ROBO1: variants seen among roughly 807,000 people sequenced by gnomAD.
ROBO1 encodes the protein roundabout guidance receptor 1.
ROBO1 carries 149 observed loss-of-function variants against 195.9 expected under a neutral mutation model. That is an observed-to-expected ratio of 0.76 (90% CI 0.67 to 0.87). ROBO1 has a LOEUF of 0.87. Among genes scored for constraint, ROBO1 ranks in the 40% least tolerant of loss-of-function variants. The pLI is 0.00. For missense variants in ROBO1, 1,933 were observed against 2,068.3 expected, an observed-to-expected ratio of 0.93 and a Z score of 1.27; for synonymous variants, 816 against 733.2, an observed-to-expected ratio of 1.11 and a Z score of -1.82.
At chr3:79,537,147 G>T (rs566473649) in intron 2 of ROBO1, among the ~76,000 whole-genome samples, 2 of 149,696 alleles carry the variant, frequency 1.3e-5, no homozygotes, top group East Asian at 3.9e-4. Flanking sequence ...TATTTCCAAA[G>T]ATACAGAGAA....
rs541484006 is a variant in ROBO1 at position 79,692,226 on chromosome 3, G to A, written c.-51+75526C>T. 8.6e-4 allele frequency among the ~76,000 whole-genome samples: 130 copies of A among 152,004 alleles called. 1 individual carries two copies. Among genetic ancestry groups the A allele is most frequent in the African/African-American group, 2.9e-3 (122 of 41,530 alleles). Reference sequence around the variant, plus strand: ...TTTTAGAACAAATGCAAAGCAGGAAGTATCCATAGGCAAAGCTGGAGAGTT... The same window carrying A: ...TTTTAGAACAAATGCAAAGCAGGAAATATCCATAGGCAAAGCTGGAGAGTT... On this transcript the variant is annotated intron_variant, in intron 1 of 30. Transcript: ENST00000464233.
intron 2 of ROBO1, among the ~76,000 whole-genome samples, chr3:79,281,013 A>G (rs1049883279): frequency 2.6e-5 from 4 of 152,192 alleles, no homozygotes; most frequent in African/African-American, 9.7e-5. Flanking sequence ...TACAAGTAAT[A>G]AAAATAATAA....
intron 4 of ROBO1, among the ~76,000 whole-genome samples, chr3:78,841,668 T>A (rs1380321126): frequency 6.6e-6 from 1 of 152,108 alleles, no homozygotes; most frequent in African/African-American, 2.4e-5. Flanking sequence ...ACCCCAATTT[T>A]CTGTACTGCA....
chr3:79,630,682 A>G (rs1945312345), intron 1 of ROBO1, among the ~76,000 whole-genome samples: 1 of 152,042 alleles, frequency 6.6e-6, no homozygotes, highest in South Asian at 2.1e-4. Flanking sequence ...TATAAAAAAG[A>G]GTAGTCAAAT....
chr3:79,439,737 T>C (rs1482495007), intron 2 of ROBO1, among the ~76,000 whole-genome samples: 1 of 152,178 alleles, frequency 6.6e-6, no homozygotes, highest in Non-Finnish European at 1.5e-5. Flanking sequence ...ATCTATTTTC[T>C]TTGAAAAGTA....
intron 3 of ROBO1, among the ~76,000 whole-genome samples, chr3:79,026,321 T>G (rs957631840): frequency 5.3e-5 from 8 of 152,082 alleles, no homozygotes; most frequent in Non-Finnish European, 1.0e-4. Flanking sequence ...AACTGTGAGG[T>G]GCAAATAAAA....
chr3:79,612,619 T>C (rs1262747363), intron 1 of ROBO1, among the ~76,000 whole-genome samples: 3 of 147,852 alleles, frequency 2.0e-5, no homozygotes, highest in Non-Finnish European at 3.0e-5. Flanking sequence ...ACTTCCACAA[T>C]GGTTGAACTA....
chr3:79,029,872 G>A (rs546198603), intron 3 of ROBO1, among the ~76,000 whole-genome samples: 34 of 152,240 alleles, frequency 2.2e-4, no homozygotes, highest in Non-Finnish European at 4.1e-4. Flanking sequence ...AATAATTGCT[G>A]TAAAAATATA....
At chr3:79,136,018 C>T (rs2080401847) in intron 2 of ROBO1, among the ~76,000 whole-genome samples, 1 of 152,166 alleles carries the variant, frequency 6.6e-6, no homozygotes, top group Non-Finnish European at 1.5e-5. Context: ...AAGCCTTCTC[C>T]ATAATGTGCA....
At chr3:79,429,649 C>A (rs981917686) in intron 2 of ROBO1, among the ~76,000 whole-genome samples, 2 of 152,100 alleles carry the variant, frequency 1.3e-5, no homozygotes, top group African/African-American at 4.8e-5. Context: ...GCTCTAAATT[C>A]TTAAGCTATT....
At chr3:79,107,587 GA>G (rs1336610132) in intron 3 of ROBO1, among the ~76,000 whole-genome samples, 3 of 151,664 alleles carry the variant, frequency 2.0e-5, no homozygotes, top group Non-Finnish European at 4.4e-5. Context: ...ATAGGTGGCT[GA>G]AAAGGACTGC....
At chr3:79,233,874 C>T (rs2082361335) in intron 2 of ROBO1, among the ~76,000 whole-genome samples, 1 of 152,022 alleles carries the variant, frequency 6.6e-6, no homozygotes, top group Admixed American at 6.6e-5. Context: ...TTAATAATAG[C>T]CCTTCTGACT....
chr3:78,893,562 T>C (rs2037038181), intron 4 of ROBO1, among the ~76,000 whole-genome samples: 1 of 152,246 alleles, frequency 6.6e-6, no homozygotes, highest in African/African-American at 2.4e-5. Flanking sequence ...GGCTGTTTAT[T>C]AATATTAATT....
At chr3:79,637,343 C>T (rs909233818) in intron 1 of ROBO1, among the ~76,000 whole-genome samples, 36 of 150,246 alleles carry the variant, frequency 2.4e-4, no homozygotes, top group Middle Eastern at 3.4e-3. Flanking sequence ...TTTGTGTTTC[C>T]CAGTACTTTC....
intron 24 of ROBO1, 21 bp downstream of exon 24, chr3:78,633,914 T>A (rs1440461866): frequency 6.6e-7 from 1 of 1,510,944 alleles, no homozygotes; most frequent in East Asian, 2.3e-5. Flanking sequence ...AAGGAGAAGT[T>A]CTTTGGTTCA....
intron 3 of ROBO1, among the ~76,000 whole-genome samples, chr3:78,980,502 G>T (rs989122445): frequency 2.0e-5 from 3 of 152,276 alleles, no homozygotes; most frequent in South Asian, 2.1e-4. Context: ...TCCAACAGGA[G>T]AATATTCTTT....
chr3:79,528,283 C>T (rs971729314), intron 2 of ROBO1, among the ~76,000 whole-genome samples: 6 of 152,036 alleles, frequency 3.9e-5, no homozygotes, highest in Admixed American at 3.9e-4. Context: ...TTGCTCTTTC[C>T]TTTTCTTTTC....
intron 1 of ROBO1, among the ~76,000 whole-genome samples, chr3:79,706,917 G>T (rs1490896387): frequency 6.6e-6 from 1 of 151,962 alleles, no homozygotes; most frequent in Non-Finnish European, 1.5e-5. Flanking sequence ...TAATATTTTG[G>T]TGAGGATTTT....
chr3:79,507,261 A>G (rs1487197293), intron 2 of ROBO1, among the ~76,000 whole-genome samples: 1 of 152,196 alleles, frequency 6.6e-6, no homozygotes, highest in African/African-American at 2.4e-5. Flanking sequence ...GTAGACCACA[A>G]ATAAATGCCT....
Sources: gnomAD v4.1 joint callset for allele counts (sites outside exome capture counted in the v4.1 genomes callset) on GRCh38, gnomAD v4.1.1 for gene constraint, MANE v1.5 for transcripts, NCBI Gene and HGNC (gene_info 2026-07-23, HGNC 2026-07-21) for gene names.